ZBTB38: variants seen among roughly 807,000 people sequenced by gnomAD.
ZBTB38 encodes the protein zinc finger and BTB domain containing 38, also known as zinc finger and BTB domain-containing protein 38.
ZBTB38 carries 20 observed loss-of-function variants against 76.8 expected under a neutral mutation model. The ratio of observed to expected loss-of-function variants is 0.26; its 90% CI spans 0.18 to 0.38. The LOEUF is 0.38. Among genes scored for constraint, ZBTB38 ranks in the 10% least tolerant of loss-of-function variants. ZBTB38 has a pLI of 1.00. For synonymous variants in ZBTB38, 504 were observed against 544.2 expected, an observed-to-expected ratio of 0.93 and a Z score of 1.03; for missense variants, 1,082 against 1,482.3, an observed-to-expected ratio of 0.73 and a Z score of 4.43.
At chr3:141,335,227 C>T (rs942598915) in intron 1 of ZBTB38, among the ~76,000 whole-genome samples, 1 of 152,274 alleles carries the variant, frequency 6.6e-6, no homozygotes, top group South Asian at 2.1e-4. Context: ...GTTGTCTGCT[C>T]GTGTTATGTA....
At chr3:141,434,166 C>G (rs1156263744) in intron 5 of ZBTB38, 1 of 984,674 alleles carries the variant, frequency 1.0e-6, no homozygotes, top group Non-Finnish European at 1.2e-6. Context: ...TGATGGGAAA[C>G]CAAAAACTAG....
chr3:141,394,017 C>CT (rs34207738), intron 4 of ZBTB38, among the ~76,000 whole-genome samples: 64 of 143,474 alleles, frequency 4.5e-4, no homozygotes, highest in East Asian at 8.1e-4. Flanking sequence ...TCTTTTCTTT[C>CT]TTTTTTTTTT....
intron 1 of ZBTB38, among the ~76,000 whole-genome samples, chr3:141,346,782 TTGTG>T (rs56345431): frequency 1.6e-4 from 23 of 144,684 alleles, no homozygotes; most frequent in South Asian, 4.5e-4. Flanking sequence ...TTGTTTTGTT[TTGTG>T]TGTGTGTGTG....
At chr3:141,418,301 A>G (rs186934046) in intron 5 of ZBTB38, among the ~76,000 whole-genome samples, 98 of 152,238 alleles carry the variant, frequency 6.4e-4, no homozygotes, top group African/African-American at 2.3e-3. Context: ...CCCCTCCCCA[A>G]GTGTGTCATT....
At chr3:141,385,649 AGT>A (rs10617390) in intron 3 of ZBTB38, among the ~76,000 whole-genome samples, 73,372 of 146,872 alleles carry the variant, frequency 0.5, 18,306 homozygotes, top group South Asian at 0.66. Flanking sequence ...TCGAGCTTTG[AGT>A]GTGTGTGTGT....
chr3:141,339,569 G>A (rs945948988), intron 1 of ZBTB38, among the ~76,000 whole-genome samples: 2 of 152,150 alleles, frequency 1.3e-5, no homozygotes, highest in East Asian at 3.8e-4. Context: ...TGTGTGTTTC[G>A]AAGGTAGAGC....
intron 1 of ZBTB38, among the ~76,000 whole-genome samples, chr3:141,342,808 G>A (rs1177466548): frequency 6.6e-6 from 1 of 150,642 alleles, no homozygotes; most frequent in Non-Finnish European, 1.5e-5. Context: ...AGCTAAAGAT[G>A]GAAGGTGTTG....
chr3:141,434,917 G>A (rs1245431137), intron 5 of ZBTB38, among the ~76,000 whole-genome samples: 1 of 151,962 alleles, frequency 6.6e-6, no homozygotes. Context: ...AGGGTCACTT[G>A]AGCCCAGGAT....
intron 1 of ZBTB38, among the ~76,000 whole-genome samples, chr3:141,357,038 T>C (rs1943682768): frequency 6.6e-6 from 1 of 152,200 alleles, no homozygotes; most frequent in African/African-American, 2.4e-5. Flanking sequence ...AACCAATTTG[T>C]TTTCTCATTA....
chr3:141,444,014 T>C lies in ZBTB38; in HGVS notation c.1626T>C (p.Asp542=). The C allele has an allele frequency of 6.2e-7, 1 of 1,614,144 alleles. No individual in the cohort carries two copies. The highest frequency in any genetic ancestry group is 8.5e-7 in the Non-Finnish European group (1 of 1,180,036). Residue 542 remains aspartate (D), a synonymous_variant, in exon 6 of 6, where the codon GAT becomes GAC. Transcript: ENST00000321464. This position sits in a 1 kb window ranked among gnomAD's most constrained non-coding sequence, Gnocchi z 5.1. ...ATCAGAAGTCTTTCCATGCCATCGATCATAGACTTTCCATCAGTAAAAAAA... is the reference window on the plus strand; with the variant it reads ...ATCAGAAGTCTTTCCATGCCATCGACCATAGACTTTCCATCAGTAAAAAAA... ...KNHQKSFHAI[D]HRLSISKKTA...
rs188610648 is a variant in ZBTB38, at chr3:141,437,605, A to G, written c.1-4784A>G. 1.4e-4 allele frequency among the ~76,000 whole-genome samples: 21 copies of G among 152,274 alleles called. No homozygotes were observed. In the East Asian group the frequency reaches 3.7e-3, roughly 27 times the overall value. On this transcript the variant is annotated intron_variant, in intron 5 of 5. Transcript: ENST00000321464. The stretch of plus-strand genomic sequence containing the variant: ...AACAAGGTGGGAAGGAGACTTTCCA[A>G]TGTTTACTTTGTGTGCTTTTTCAAT...
chr3:141,407,710 T>C (rs1011440033), intron 5 of ZBTB38, among the ~76,000 whole-genome samples: 2 of 152,226 alleles, frequency 1.3e-5, no homozygotes, highest in African/African-American at 4.8e-5. Flanking sequence ...TAAACAGCAC[T>C]GTCATGGCTG....
chr3:141,325,149 T>C (rs1942635131), intron 1 of ZBTB38, among the ~76,000 whole-genome samples: 1 of 152,242 alleles, frequency 6.6e-6, no homozygotes, highest in South Asian at 2.1e-4. Context: ...GTCCATTTGA[T>C]ATTTAGAAAA....
intron 1 of ZBTB38, among the ~76,000 whole-genome samples, chr3:141,340,700 A>G (rs749683172): frequency 2.4e-4 from 37 of 152,024 alleles, no homozygotes; most frequent in Non-Finnish European, 4.4e-4. Context: ...GATCAAGACC[A>G]TCCTGGCTGA....
Position 141,413,571 on chromosome 3 carries a change from A to G in ZBTB38, c.-1+9540A>G, listed in dbSNP as rs116345996. On this transcript the variant is annotated intron_variant, in intron 5 of 5. Coordinates refer to ENST00000321464, the MANE Select transcript of ZBTB38 (RefSeq NM_001376113.1). This position sits in a 1 kb window ranked among gnomAD's most constrained non-coding sequence, Gnocchi z 4.1. ...GACACAGTGATGGAGCATGATGTCA[A>G]CTCCCACATACTGTAACCCAGGAAG... is the stretch of plus-strand genomic sequence containing the variant. Among the ~76,000 whole-genome samples the G allele has an allele frequency of 3.3e-3, 495 of 151,898 alleles. 4 individuals carry two copies. Among genetic ancestry groups the G allele is most frequent in the African/African-American group, 0.012 (480 of 41,388 alleles).
chr3:141,373,089 A>T (rs1944866934), intron 2 of ZBTB38, among the ~76,000 whole-genome samples: 1 of 152,168 alleles, frequency 6.6e-6, no homozygotes, highest in Non-Finnish European at 1.5e-5. Flanking sequence ...AAAGCCATAG[A>T]TCCCTGTGAC....
chr3:141,334,090 G>T (rs1942936262), intron 1 of ZBTB38, among the ~76,000 whole-genome samples: 1 of 152,122 alleles, frequency 6.6e-6, no homozygotes, highest in African/African-American at 2.4e-5. Flanking sequence ...CATCTCTCAG[G>T]AAGCCTAATA....
chr3:141,427,016 CT>C (rs140144379), intron 5 of ZBTB38, among the ~76,000 whole-genome samples: 9 of 147,322 alleles, frequency 6.1e-5, no homozygotes, highest in Non-Finnish European at 4.5e-5. Flanking sequence ...ACCTTCTTGG[CT>C]TTTTTTTTTA....
chr3:141,350,670 C>T (rs899253398), intron 1 of ZBTB38, among the ~76,000 whole-genome samples: 2 of 152,170 alleles, frequency 1.3e-5, no homozygotes, highest in Admixed American at 6.5e-5. Flanking sequence ...TCTTTGACAT[C>T]ATATTTAATT....
Sources: allele counts gnomAD v4.1 joint callset (sites outside exome capture counted in the v4.1 genomes callset), GRCh38; gene constraint gnomAD v4.1.1; non-coding constraint Gnocchi (gnomAD v3.1); transcripts MANE v1.5; gene names NCBI Gene and HGNC (gene_info 2026-07-23, HGNC 2026-07-21).